The following PKP4 variants were observed in gnomAD, a reference collection of about 807,000 sequenced individuals.
PKP4 encodes the protein plakophilin-4.
Under a neutral mutation model 145.1 loss-of-function variants are expected in PKP4, and 90 were observed. The observed-to-expected ratio is 0.62, with a 90% CI of 0.52 to 0.74. The LOEUF (loss-of-function observed/expected upper bound fraction) is 0.74. Ranked by LOEUF, PKP4 falls within the 30% of genes least tolerant of loss-of-function variation. The pLI is 0.00. For synonymous variants in PKP4, 563 were observed against 577.2 expected (o/e 0.98, Z 0.35); for missense variants, 1,340 against 1,482.7 (o/e 0.90, Z 1.58).
intron 1 of PKP4, among the ~76,000 whole-genome samples, chr2:158,527,172 C>T (rs10469683): frequency 2.6e-5 from 3 of 117,192 alleles, no homozygotes; most frequent in Non-Finnish European, 3.5e-5. Context: ...GAGCCCGCAT[C>T]GCCAAGTCAA....
chr2:158,506,146 G>A (rs2040955780), intron 1 of PKP4, among the ~76,000 whole-genome samples: 2 of 152,190 alleles, frequency 1.3e-5, no homozygotes, highest in African/African-American at 4.8e-5. Flanking sequence ...CATGGCAATT[G>A]AAAGATCCCA....
At chr2:158,475,866 C>T (rs928179318) in intron 1 of PKP4, among the ~76,000 whole-genome samples, 5 of 152,160 alleles carry the variant, frequency 3.3e-5, no homozygotes, top group African/African-American at 1.2e-4. Flanking sequence ...CTGGAAGAAT[C>T]ACAACCCAAT....
In PKP4 at chr2:158,630,926, T is replaced by TTTGTTTG. The variant is rs1574868630; in HGVS notation, c.1154-825_1154-824insGTTTGTT. 3.3e-5 allele frequency among the ~76,000 whole-genome samples: 5 copies of TTTGTTTG among 151,232 alleles called. No individual in the cohort carries two copies. In the South Asian group the frequency reaches 8.4e-4, roughly 26 times the overall value. On this transcript the variant is annotated intron_variant, in intron 7 of 21. Coordinates refer to ENST00000389759, the MANE Select transcript of PKP4 (RefSeq NM_003628.6). ...TCATCCTGCTGCCAAGAGAAAGTGT[T>TTTGTTTG]TTTGTTTGTTTGTTTGTTTGTTTGT... is the stretch of plus-strand genomic sequence containing the variant.
rs188180505 is a variant in PKP4 at position 158,574,203 on chromosome 2, G to A, written c.133-3068G>A. 3.8e-3 allele frequency among the ~76,000 whole-genome samples: 580 copies of A among 152,288 alleles called. 5 individuals carry two copies. Among genetic ancestry groups the A allele is most frequent in the African/African-American group, 8.5e-3 (354 of 41,550 alleles). On this transcript the variant is annotated intron_variant, in intron 2 of 21. Coordinates refer to ENST00000389759, the MANE Select transcript of PKP4 (RefSeq NM_003628.6). ...TTAGTAGCCTTGACTTTCTAAAGTC[G>A]TGTGGTATTGTTTGCTAGGCTCTAC...
chr2:158,457,479 C>A (rs770939940), intron 1 of PKP4: 5 of 152,478 alleles, frequency 3.3e-5, no homozygotes, highest in African/African-American at 4.8e-5. Context: ...GATTCCTCTC[C>A]CCGGTCTCCC....
chr2:158,573,199 A>G (rs2047554788), intron 2 of PKP4, among the ~76,000 whole-genome samples: 1 of 152,264 alleles, frequency 6.6e-6, no homozygotes, highest in African/African-American at 2.4e-5. Flanking sequence ...CTAGATCTAC[A>G]TGTATTGATG....
In PKP4 at chr2:158,666,411, A is replaced by G. The variant is rs1161780589; in HGVS notation, c.2578-2A>G. ...TACTTCCTGCCTTATTTTTCTCACTAGTTTGCAGCATATATCCGGGCGGCC... is the reference window on the plus strand; with the variant it reads ...TACTTCCTGCCTTATTTTTCTCACTGGTTTGCAGCATATATCCGGGCGGCC... On this transcript the variant is annotated splice_acceptor_variant, in intron 15 of 21. Coordinates refer to ENST00000389759, the MANE Select transcript of PKP4 (RefSeq NM_003628.6). LOFTEE classifies it high-confidence loss of function. 1 of 1,589,776 alleles carries G rather than the reference A, an allele frequency of 6.3e-7. No homozygotes were observed. Among genetic ancestry groups the G allele is most frequent in the Non-Finnish European group, 8.5e-7 (1 of 1,171,108 alleles).
chr2:158,598,404 G>T (rs1019693092), intron 3 of PKP4, among the ~76,000 whole-genome samples: 7 of 152,110 alleles, frequency 4.6e-5, no homozygotes, highest in Admixed American at 2.0e-4. Context: ...ACTAAAGCAG[G>T]CTTGCTCACA....
At chr2:158,559,482 A>G (rs551161036) in intron 2 of PKP4, among the ~76,000 whole-genome samples, 8 of 152,234 alleles carry the variant, frequency 5.3e-5, no homozygotes, top group African/African-American at 1.9e-4. Context: ...CTCTGCTTAC[A>G]GGAGCCTCAA....
At chr2:158,492,001 G>A (rs1695011285) in intron 1 of PKP4, among the ~76,000 whole-genome samples, 2 of 152,082 alleles carry the variant, frequency 1.3e-5, no homozygotes, top group Non-Finnish European at 1.5e-5. Context: ...TAGAGATGAT[G>A]TCTCGCTATC....
At chr2:158,661,593 C>G in intron 13 of PKP4, 143 bp downstream of exon 13, 1 of 612,206 alleles carries the variant, frequency 1.6e-6, no homozygotes, top group Non-Finnish European at 3.0e-6. Context: ...GGGCAAGTCT[C>G]CAAAGTTACA....
At chr2:158,610,773 G>A (rs901161136) in intron 4 of PKP4, among the ~76,000 whole-genome samples, 1 of 151,976 alleles carries the variant, frequency 6.6e-6, no homozygotes, top group Non-Finnish European at 1.5e-5. Flanking sequence ...GAGTAGATCT[G>A]TGTAAAATGC....
At position 158,658,173 on chromosome 2, in the gene PKP4, C is replaced by CA; in HGVS notation, c.1954dup (p.Ile652AsnfsTer22). 6.2e-7 allele frequency: 1 copy of CA among 1,607,018 alleles called. No homozygotes were observed. The highest frequency in any genetic ancestry group is 8.5e-7 in the Non-Finnish European group (1 of 1,174,632). On this transcript the variant is annotated frameshift_variant, in exon 12 of 22. Transcript: ENST00000389759. LOFTEE classifies it high-confidence loss of function. ...TCCTCATGTGATGCTGTAAAAATGACAATCATTCGAGATGCTCTCTCAACC... is the reference window on the plus strand; with the variant it reads ...TCCTCATGTGATGCTGTAAAAATGACAAATCATTCGAGATGCTCTCTCAACC...
chr2:158,665,491 C>T (rs1449069082), intron 15 of PKP4, among the ~76,000 whole-genome samples: 1 of 152,070 alleles, frequency 6.6e-6, no homozygotes, highest in Admixed American at 6.5e-5. Context: ...CGAAATAATA[C>T]AAAGGGCTGG....
At chr2:158,540,289 A>G (rs1017927503) in intron 2 of PKP4, among the ~76,000 whole-genome samples, 5 of 152,238 alleles carry the variant, frequency 3.3e-5, no homozygotes, top group Non-Finnish European at 5.9e-5. Context: ...AACAGACTCC[A>G]TGTGGCTGTT....
intron 1 of PKP4, among the ~76,000 whole-genome samples, chr2:158,526,108 G>C (rs944240935): frequency 5.1e-4 from 77 of 150,876 alleles, no homozygotes; most frequent in African/African-American, 1.8e-3. Flanking sequence ...AATAGAAAAA[G>C]AGGGAATCCT....
chr2:158,517,589 TTAAA>T (rs2105550991), intron 1 of PKP4, among the ~76,000 whole-genome samples: 1 of 152,290 alleles, frequency 6.6e-6, no homozygotes, highest in East Asian at 1.9e-4. Context: ...CAATAATACA[TTAAA>T]TAAATAATAT....
At chr2:158,571,784 GATGAAGT>G (rs2047428880) in intron 2 of PKP4, among the ~76,000 whole-genome samples, 1 of 152,176 alleles carries the variant, frequency 6.6e-6, no homozygotes, top group Non-Finnish European at 1.5e-5. Context: ...GCCACAGGAG[GATGAAGT>G]ATGACCTGCT....
rs575999937 is a variant in PKP4 at position 158,676,068 on chromosome 2, G to C, written c.3128-671G>C. On this transcript the variant is annotated intron_variant, in intron 19 of 21. Coordinates refer to ENST00000389759, the MANE Select transcript of PKP4 (RefSeq NM_003628.6). ...GTTACTAGATGTTGGCTGAAGCTGG[G>C]GTAAAACAGTCCTCAGTCCTCTGGG... 1.6e-4 allele frequency among the ~76,000 whole-genome samples: 24 copies of C among 152,264 alleles called. 1 individual carries two copies. The South Asian group carries it at 5.0e-3, about 32-fold the overall frequency.
Sources: gnomAD v4.1 joint callset for allele counts (sites outside exome capture counted in the v4.1 genomes callset) on GRCh38, gnomAD v4.1.1 for gene constraint, MANE v1.5 for transcripts, NCBI Gene and HGNC (gene_info 2026-07-23, HGNC 2026-07-21) for gene names.